Variants in NLRC4 observed in about 807,000 individuals in gnomAD.
NLRC4 encodes the protein NLR family CARD domain-containing protein 4.
Under a neutral mutation model 79.9 loss-of-function variants are expected in NLRC4, and 63 were observed. That is an observed-to-expected ratio of 0.79 (90% CI 0.64 to 0.97). NLRC4 has a LOEUF of 0.97. Ranked by LOEUF, NLRC4 falls within the 50% of genes least tolerant of loss-of-function variation. The pLI is 0.00. For synonymous variants in NLRC4, 461 were observed against 456.5 expected, an observed-to-expected ratio of 1.01 and a Z score of -0.12; for missense variants, 1,074 against 1,215.2, an observed-to-expected ratio of 0.88 and a Z score of 1.73.
chr2:32,226,232 G>T lies in NLRC4; in HGVS notation c.2783-1467C>A, dbSNP rs952374603. On this transcript the variant is annotated intron_variant, in intron 8 of 8. Transcript: ENST00000402280. Reference sequence around the variant, plus strand: ...ACCCTTACCCACTTTCAGTAAAGGTGTTTACCAGCTCCGTAGTGAGAGGAG... The same window carrying T: ...ACCCTTACCCACTTTCAGTAAAGGTTTTTACCAGCTCCGTAGTGAGAGGAG... 3.6e-4 allele frequency among the ~76,000 whole-genome samples: 55 copies of T among 152,316 alleles called. 1 individual carries two copies. Among genetic ancestry groups the T allele is most frequent in the African/African-American group, 1.1e-3 (46 of 41,568 alleles).
At chr2:32,239,529 T>G (rs2148935720) in intron 5 of NLRC4, among the ~76,000 whole-genome samples, 1 of 152,288 alleles carries the variant, frequency 6.6e-6, no homozygotes. Context: ...TTATTCAATC[T>G]TTTAGCTGAA....
chr2:32,246,628 G>A (rs1686944031), intron 4 of NLRC4, among the ~76,000 whole-genome samples: 1 of 152,224 alleles, frequency 6.6e-6, no homozygotes, highest in South Asian at 2.1e-4. Context: ...GGTCTACACA[G>A]GTAGGGCAGA....
At chr2:32,236,399 A>C (rs1686674764) in intron 6 of NLRC4, 60 bp from the exon 7 acceptor site, 1 of 1,006,126 alleles carries the variant, frequency 9.9e-7, no homozygotes, top group Admixed American at 2.5e-5. Context: ...ATGTATTTTG[A>C]AGTATCCTTA....
At chr2:32,233,654 G>A (rs901815532) in intron 8 of NLRC4, among the ~76,000 whole-genome samples, 1 of 152,068 alleles carries the variant, frequency 6.6e-6, no homozygotes. Flanking sequence ...GAAGATACTT[G>A]AATCAGATTT....
Position 32,233,181 on chromosome 2 carries a change from GAA to G in NLRC4, c.2782+2218_2782+2219del, listed in dbSNP as rs1271299962. On this transcript the variant is annotated intron_variant, in intron 8 of 8. Transcript: ENST00000402280. ...GGAAGGAAGGAAGGAAGGAAGGAAG[GAA>G]GGAAGGAAGGAAGGGAGGGAGGGAA... Among the ~76,000 whole-genome samples the G allele has an allele frequency of 3.9e-3, 346 of 88,042 alleles. 7 individuals carry two copies. The highest frequency in any genetic ancestry group is 0.016 in the South Asian group (32 of 2,012). 57.8% of individuals were successfully genotyped at this position (88,042 alleles called of 152,430 possible). A position where few individuals can be genotyped will look rare whatever the true frequency, so the allele number is the denominator to read the frequency against.
chr2:32,247,683 T>C (rs747641827), intron 4 of NLRC4, among the ~76,000 whole-genome samples: 1 of 152,104 alleles, frequency 6.6e-6, no homozygotes, highest in South Asian at 2.1e-4. Context: ...TGTGTATATA[T>C]ATCTTTCCAA....
chr2:32,265,164 AT>A (rs144949060), upstream of NLRC4, among the ~76,000 whole-genome samples: 4,610 of 151,424 alleles, frequency 0.03, 126 homozygotes, highest in African/African-American at 0.077. Context: ...TCCAACATAT[AT>A]TTTTTTTCTT....
At chr2:32,240,078 T>A (rs764706198) in intron 5 of NLRC4, among the ~76,000 whole-genome samples, 18 of 152,174 alleles carry the variant, frequency 1.2e-4, no homozygotes, top group Non-Finnish European at 2.1e-4. Context: ...CCTCCTGAGT[T>A]CAAGTGATTA....
rs1686718416 is a variant in NLRC4, at chr2:32,238,298, T to G, written c.2355A>C (p.Glu785Asp). The G allele has an allele frequency of 1.2e-6, 2 of 1,608,782 alleles. No individual in the cohort carries two copies. Among genetic ancestry groups the G allele is most frequent in the South Asian group, 2.2e-5 (2 of 89,896 alleles). ...ACATCTTCTTCAGGTTTTTCAGGCCTTCAGCTGAAAAATGATAGAAAGGAA... is the reference window on the plus strand; with the variant it reads ...ACATCTTCTTCAGGTTTTTCAGGCCGTCAGCTGAAAAATGATAGAAAGGAA... Reference protein sequence around the residue: ...MNEEDAIKLAEGLKNLKKMCL... With the variant: ...MNEEDAIKLADGLKNLKKMCL... Residue 785 changes from glutamate to aspartate, a missense_variant, in exon 6 of 9, where the codon GAA becomes GAC. Coordinates refer to ENST00000402280, the MANE Select transcript of NLRC4 (RefSeq NM_001199138.2).
In NLRC4 at chr2:32,245,333, A is replaced by G. The variant is rs866227354; in HGVS notation, c.2258-4208T>C. On this transcript the variant is annotated intron_variant, in intron 4 of 8. Coordinates refer to ENST00000402280, the MANE Select transcript of NLRC4 (RefSeq NM_001199138.2). ...CTCAAAAAAAAAAAAAAAAAAAAAA[A>G]CAGATGAATAGAGGTCATTATGGTA... 4.9e-5 allele frequency among the ~76,000 whole-genome samples: 7 copies of G among 142,076 alleles called. No individual in the cohort carries two copies. In the Admixed American group the frequency reaches 5.0e-4, roughly 10 times the overall value. 93.2% of individuals were successfully genotyped at this position (142,076 alleles called of 152,430 possible).
In NLRC4 at chr2:32,238,265, A is replaced by G; in HGVS notation, c.2388T>C (p.Phe796=). ...GLKNLKKMCL[F]HLTHLSDIGE... Reference sequence around the variant, plus strand: ...CAATGTCAGACAAGTGGGTCAAATGAAATAAACACATCTTCTTCAGGTTTT... The same window carrying G: ...CAATGTCAGACAAGTGGGTCAAATGGAATAAACACATCTTCTTCAGGTTTT... Residue 796 remains phenylalanine (F), a synonymous_variant, in exon 6 of 9, where the codon TTT becomes TTC. Transcript: ENST00000402280. 2 of 1,612,378 alleles carry G rather than the reference A, an allele frequency of 1.2e-6. No individual in the cohort carries two copies. Among genetic ancestry groups the G allele is most frequent in the Middle Eastern group, 3.3e-4 (2 of 6,058 alleles).
chr2:32,257,273 G>A (rs111744802), intron 1 of NLRC4, among the ~76,000 whole-genome samples: 20 of 152,232 alleles, frequency 1.3e-4, no homozygotes, highest in Non-Finnish European at 2.4e-4. Context: ...CATCCAGGGA[G>A]GAAGTTTTCA....
At position 32,224,539 on chromosome 2, in the gene NLRC4, A is replaced by G; in HGVS notation, c.3009T>C (p.Val1003=). 6.2e-7 allele frequency: 1 copy of G among 1,613,834 alleles called. No individual in the cohort carries two copies. Among genetic ancestry groups the G allele is most frequent in the Non-Finnish European group, 8.5e-7 (1 of 1,179,856 alleles). The part of the protein sequence containing the change: ...KLTFLQEARL[V]GWQFDDDDLS... ...GATCATCATCATCAAATTGCCACCCAACAAGCCTAGCTTCTTGCAGAAAAG... is the reference window on the plus strand; with the variant it reads ...GATCATCATCATCAAATTGCCACCCGACAAGCCTAGCTTCTTGCAGAAAAG... The change falls in exon 9 of 9, where the codon GTT becomes GTC. Residue 1003 remains valine, a synonymous_variant. Transcript: ENST00000402280.
intron 8 of NLRC4, among the ~76,000 whole-genome samples, chr2:32,234,646 G>C (rs2148933279): frequency 6.6e-6 from 1 of 152,314 alleles, no homozygotes; most frequent in Middle Eastern, 3.4e-3. Context: ...GCCATGTTGT[G>C]AGGACACTCA....
At chr2:32,247,856 T>TAAAA (rs1366619764) in intron 4 of NLRC4, among the ~76,000 whole-genome samples, 31 of 144,242 alleles carry the variant, frequency 2.1e-4, no homozygotes, top group Admixed American at 4.0e-4. Context: ...AAATCATGTC[T>TAAAA]TTTGCAGCAA....
intron 5 of NLRC4, among the ~76,000 whole-genome samples, chr2:32,240,015 C>G (rs1180822737): frequency 1.3e-5 from 2 of 152,200 alleles, no homozygotes; most frequent in Admixed American, 6.5e-5. Context: ...GAGTCTATCT[C>G]TGTCACCGAG....
At chr2:32,252,006 T>C (rs985651006) in intron 3 of NLRC4, among the ~76,000 whole-genome samples, 2 of 152,160 alleles carry the variant, frequency 1.3e-5, no homozygotes, top group African/African-American at 2.4e-5. Flanking sequence ...TTATGAAACA[T>C]AGAATCATGG....
At chr2:32,252,789 C>T (rs575249662) in intron 2 of NLRC4, 110 bp from the exon 3 acceptor site, 75 of 826,958 alleles carry the variant, frequency 9.1e-5, no homozygotes, top group South Asian at 6.3e-4. Flanking sequence ...GAGGCCGAGG[C>T]GGGCAGATCA....
chr2:32,225,165 C>A (rs1025038493), intron 8 of NLRC4, among the ~76,000 whole-genome samples: 1 of 152,026 alleles, frequency 6.6e-6, no homozygotes, highest in Non-Finnish European at 1.5e-5. Context: ...AAGTAAACAC[C>A]ACCTAACTGT....
Sources: allele counts gnomAD v4.1 joint callset (sites outside exome capture counted in the v4.1 genomes callset), GRCh38; gene constraint gnomAD v4.1.1; transcripts MANE v1.5; gene names NCBI Gene and HGNC (gene_info 2026-07-23, HGNC 2026-07-21).